MOXD1: variants seen among roughly 807,000 people sequenced by gnomAD.
MOXD1 encodes the protein DBH-like monooxygenase protein 1.
A neutral mutation model predicts 66.6 loss-of-function variants in MOXD1; 62 were observed. The observed-to-expected ratio is 0.93, with a 90% CI of 0.76 to 1.15. MOXD1 has a LOEUF of 1.15. Among genes scored for constraint, MOXD1 ranks in the 50% most tolerant of loss-of-function variants. The pLI, the probability that MOXD1 is intolerant of heterozygous loss-of-function variation, is 0.00. For synonymous variants in MOXD1, 303 were observed against 281.9 expected (o/e 1.07, Z -0.75); for missense variants, 847 against 754.6 (o/e 1.12, Z -1.44).
At chr6:132,341,293 G>T (rs1775556778) in intron 4 of MOXD1, among the ~76,000 whole-genome samples, 1 of 152,130 alleles carries the variant, frequency 6.6e-6, no homozygotes. Flanking sequence ...CTTGGAATCG[G>T]ACAATAGCTT....
At chr6:132,341,221 C>T (rs184020796) in intron 4 of MOXD1, among the ~76,000 whole-genome samples, 138 of 152,294 alleles carry the variant, frequency 9.1e-4, no homozygotes, top group African/African-American at 3.2e-3. Context: ...GTTTGAAAGA[C>T]TGGGTTCATT....
chr6:132,387,941 G>C (rs1220487812), intron 1 of MOXD1, among the ~76,000 whole-genome samples: 1 of 151,152 alleles, frequency 6.6e-6, no homozygotes, highest in East Asian at 1.9e-4. Flanking sequence ...AAATGCAAAA[G>C]AAAATGCAGT....
At chr6:132,361,377 T>C (rs1582594333) in intron 4 of MOXD1, among the ~76,000 whole-genome samples, 1 of 151,600 alleles carries the variant, frequency 6.6e-6, no homozygotes, top group Non-Finnish European at 1.5e-5. Context: ...AACCATAAAC[T>C]GCTTAACTCT....
At chr6:132,377,006 C>T (rs1776395961) in intron 1 of MOXD1, among the ~76,000 whole-genome samples, 1 of 152,198 alleles carries the variant, frequency 6.6e-6, no homozygotes, top group Non-Finnish European at 1.5e-5. Context: ...CAAACCTTGG[C>T]ACTCTGGCCC....
rs545676965 is a variant in MOXD1 at position 132,386,069 on chromosome 6, C to G, written c.265-11292G>C. On this transcript the variant is annotated intron_variant, in intron 1 of 11. Transcript: ENST00000367963. Reference sequence around the variant, plus strand: ...AGTGAGCCGAGATCGCGCCACTGCACTCCAGCCTGGGCGACAGGGCAAGAC... The same window carrying G: ...AGTGAGCCGAGATCGCGCCACTGCAGTCCAGCCTGGGCGACAGGGCAAGAC... 1.3e-4 allele frequency among the ~76,000 whole-genome samples: 18 copies of G among 140,740 alleles called. 2 individuals carry two copies. The East Asian group carries it at 4.3e-3, about 33-fold the overall frequency. 92.3% of individuals were successfully genotyped at this position (140,740 alleles called of 152,430 possible).
chr6:132,399,123 T>G (rs1360392799), intron 1 of MOXD1, among the ~76,000 whole-genome samples: 2 of 152,064 alleles, frequency 1.3e-5, no homozygotes, highest in African/African-American at 2.4e-5. Flanking sequence ...TTTATTTCAT[T>G]TATATTATTT....
chr6:132,396,568 A>G (rs1776881663), intron 1 of MOXD1, among the ~76,000 whole-genome samples: 1 of 150,684 alleles, frequency 6.6e-6, no homozygotes, highest in Non-Finnish European at 1.5e-5. Flanking sequence ...CAAAAAAAAT[A>G]CAAAGGATCA....
At chr6:132,307,142 C>A (rs1285722780) in intron 10 of MOXD1, among the ~76,000 whole-genome samples, 1 of 151,770 alleles carries the variant, frequency 6.6e-6, no homozygotes, top group Non-Finnish European at 1.5e-5. Flanking sequence ...TGCAGAGACA[C>A]ACATAGGCTC....
chr6:132,313,366 TTTG>T (rs1774872756), intron 10 of MOXD1, among the ~76,000 whole-genome samples: 2 of 152,226 alleles, frequency 1.3e-5, no homozygotes, highest in South Asian at 2.1e-4. Flanking sequence ...ATGTAAGCAT[TTTG>T]TTATTTGTAT....
chr6:132,304,073 C>T (rs575962060), intron 10 of MOXD1, among the ~76,000 whole-genome samples: 1 of 151,552 alleles, frequency 6.6e-6, no homozygotes, highest in South Asian at 2.1e-4. Flanking sequence ...ATGTTCATGT[C>T]CCTCCAAAAC....
intron 1 of MOXD1, among the ~76,000 whole-genome samples, chr6:132,399,405 G>C (rs1252951824): frequency 6.6e-6 from 1 of 152,148 alleles, no homozygotes; most frequent in Non-Finnish European, 1.5e-5. Flanking sequence ...ATAGTGATGT[G>C]TATTCACTAA....
In MOXD1 at chr6:132,374,705, C is replaced by T; in HGVS notation, c.337G>A (p.Glu113Lys). The T allele has an allele frequency of 1.2e-6, 2 of 1,613,844 alleles. No homozygotes were observed. Among genetic ancestry groups the T allele is most frequent in the South Asian group, 2.2e-5 (2 of 91,064 alleles). Residue 113 changes from glutamate to lysine, a missense_variant, in exon 2 of 12, where the codon GAA (glutamate) becomes AAA (lysine). Glu to Lys is a moderately conservative substitution (Grantham distance 56, BLOSUM62 1). Coordinates refer to ENST00000367963, the MANE Select transcript of MOXD1 (RefSeq NM_015529.4). ...TCAATTATTGTGTGTGTGCTATTTT[C>T]CATGGCATATTCTAGATGGTAATCT... is the stretch of plus-strand genomic sequence containing the variant. The part of the protein sequence containing the change: ...QQDYHLEYAM[E>K]NSTHTIIEFT...
intron 10 of MOXD1, among the ~76,000 whole-genome samples, chr6:132,309,801 G>C (rs1227130697): frequency 6.6e-6 from 1 of 152,108 alleles, no homozygotes; most frequent in East Asian, 1.9e-4. Context: ...CTTAGCCATA[G>C]GCTGAAAACC....
chr6:132,362,944 G>C (rs557986999), intron 4 of MOXD1, among the ~76,000 whole-genome samples: 3 of 152,034 alleles, frequency 2.0e-5, no homozygotes, highest in South Asian at 2.1e-4. Context: ...ATGAAACTTC[G>C]TATGTGTCAT....
chr6:132,301,522 T>C (rs982144854), intron 10 of MOXD1, among the ~76,000 whole-genome samples: 6 of 151,724 alleles, frequency 4.0e-5, no homozygotes, highest in Non-Finnish European at 7.4e-5. Context: ...TTACATTTCT[T>C]ATCTGAGCCT....
chr6:132,341,040 C>T (rs1775551082), intron 4 of MOXD1, among the ~76,000 whole-genome samples: 1 of 152,106 alleles, frequency 6.6e-6, no homozygotes, highest in African/African-American at 2.4e-5. Context: ...CTCATTAATC[C>T]TATAGGAGTT....
chr6:132,370,046 C>G (rs576133354), intron 4 of MOXD1, among the ~76,000 whole-genome samples: 5 of 152,148 alleles, frequency 3.3e-5, no homozygotes, highest in African/African-American at 1.2e-4. Flanking sequence ...AAATGACACA[C>G]CACACAATAT....
chr6:132,321,227 G>A (rs1378290460), intron 8 of MOXD1, among the ~76,000 whole-genome samples: 2 of 151,164 alleles, frequency 1.3e-5, no homozygotes, highest in Non-Finnish European at 2.9e-5. Context: ...TCGCACCACT[G>A]TACTCCAGCC....
intron 2 of MOXD1, 138 bp from the exon 3 acceptor site, chr6:132,373,135 G>T (rs1009710861): frequency 3.8e-6 from 3 of 794,800 alleles, no homozygotes; most frequent in Admixed American, 3.1e-5. Context: ...TATCAACATG[G>T]TCTCTAATAT....
Sources: allele counts gnomAD v4.1 joint callset (sites outside exome capture counted in the v4.1 genomes callset), GRCh38; gene constraint gnomAD v4.1.1; transcripts MANE v1.5; gene names NCBI Gene and HGNC (gene_info 2026-07-23, HGNC 2026-07-21).